The following ATP1A4 variants were observed in gnomAD, a reference collection of about 807,000 sequenced individuals.
The protein encoded by ATP1A4 is sodium/potassium-transporting ATPase subunit alpha-4.
In ATP1A4, 90 loss-of-function variants were observed where a neutral mutation model predicts 114.3. That is an observed-to-expected ratio of 0.79 (90% CI 0.66 to 0.94). The LOEUF is 0.94. Among genes scored for constraint, ATP1A4 ranks in the 40% least tolerant of loss-of-function variants. The probability of loss-of-function intolerance (pLI) is 0.00; values close to 1 mark genes in which losing one functional copy is unlikely to be tolerated. For missense variants in ATP1A4, 1,222 were observed against 1,313.6 expected (o/e 0.93, Z 1.08); for synonymous variants, 511 against 494.1 (o/e 1.03, Z -0.45).
In ATP1A4 at chr1:160,166,956, C is replaced by T; in HGVS notation, c.1247-12C>T. ...ATTCCCTGCTCACAATTCTTCTTTT[C>T]TTTCTCCCTAGGAAAAACATTTACC... On this transcript the variant is annotated splice_polypyrimidine_tract_variant and intron_variant, in intron 8 of 21. Coordinates refer to ENST00000368081, the MANE Select transcript of ATP1A4 (RefSeq NM_144699.4). 6.2e-7 allele frequency: 1 copy of T among 1,612,840 alleles called. No homozygotes were observed. Among genetic ancestry groups the T allele is most frequent in the Non-Finnish European group, 8.5e-7 (1 of 1,178,856 alleles).
At position 160,155,231 on chromosome 1, in the gene ATP1A4, G is replaced by A. The variant is rs373894989; in HGVS notation, c.394G>A (p.Glu132Lys). ...CAGCATCCAGATATATTTCAATGAG[G>A]AGCCTACCAAAGACAACGTGAGTCT... Reference protein sequence around the residue: ...AYSIQIYFNEEPTKDNLYLSI... With the variant: ...AYSIQIYFNEKPTKDNLYLSI... Residue 132 changes from glutamate to lysine, a missense_variant, in exon 3 of 22, where the codon GAG (glutamate) becomes AAG (lysine). Glu to Lys is a moderately conservative substitution (Grantham distance 56, BLOSUM62 1). Transcript: ENST00000368081. 2 of 1,613,270 alleles carry A rather than the reference G, an allele frequency of 1.2e-6. No individual in the cohort carries two copies. The highest frequency in any genetic ancestry group is 3.3e-5 in the Admixed American group (2 of 59,918).
chr1:160,151,941 C>A lies in ATP1A4; in HGVS notation c.-100C>A, dbSNP rs115248829. 2.9e-6 allele frequency: 4 copies of A among 1,380,930 alleles called. No individual in the cohort carries two copies. In the South Asian group the frequency reaches 5.9e-5, roughly 20 times the overall value. 85.5% of individuals were successfully genotyped at this position (1,380,930 alleles called of 1,614,324 possible). ...CATTCTCTCCCCACCACTCTCTTCT[C>A]GTGGCCCCCTTGCCCGCGCGCCCTC... is the stretch of plus-strand genomic sequence containing the variant. On this transcript the variant is annotated 5_prime_UTR_variant, in exon 1 of 22. Coordinates refer to ENST00000368081, the MANE Select transcript of ATP1A4 (RefSeq NM_144699.4).
chr1:160,155,301 A>G, intron 3 of ATP1A4, 53 bp downstream of exon 3: 2 of 1,499,066 alleles, frequency 1.3e-6, no homozygotes, highest in Admixed American at 1.9e-5. Context: ...AGCCCCAGAC[A>G]CTCTTTTGCT....
chr1:160,171,356 C>G lies in ATP1A4; in HGVS notation c.1597C>G (p.Gln533Glu), dbSNP rs746317383. 14 of 1,613,986 alleles carry G rather than the reference C, an allele frequency of 8.7e-6. No individual in the cohort carries two copies. Among genetic ancestry groups the G allele is most frequent in the Non-Finnish European group, 1.1e-5 (13 of 1,180,034 alleles). The part of the protein sequence containing the change: ...EFCSTFLLNG[Q>E]EYSMNDEMKE... ...TTGTTCTACCTTTCTTCTGAATGGG[C>G]AGGAGTACTCAATGAACGATGAAAT... Residue 533 changes from glutamine to glutamate, a missense_variant, in exon 11 of 22, where the codon CAG (glutamine) becomes GAG (glutamate). Transcript: ENST00000368081.
rs1230139780 is a variant in ATP1A4, at chr1:160,177,503, A to G, written c.2591-16A>G. 1.2e-6 allele frequency: 2 copies of G among 1,613,058 alleles called. No homozygotes were observed. The highest frequency in any genetic ancestry group is 1.1e-5 in the South Asian group (1 of 90,946). ...CTGAACCAGGCTCCCCTGTCCTGCA[A>G]CTCTGTCATTCACAGGGATGATCCA... On this transcript the variant is annotated splice_polypyrimidine_tract_variant and intron_variant, in intron 17 of 21. Transcript: ENST00000368081.
chr1:160,159,389 C>A lies in ATP1A4; in HGVS notation c.661-20C>A, dbSNP rs1036191005. On this transcript the variant is annotated intron_variant, in intron 5 of 21. Coordinates refer to ENST00000368081, the MANE Select transcript of ATP1A4 (RefSeq NM_144699.4). ...TTTTTCCTATGCTCACCTTACAACG[C>A]GTCCCCTCTCCCATCCCAGGTGGAC... 6 of 1,586,512 alleles carry A rather than the reference C, an allele frequency of 3.8e-6. No individual in the cohort carries two copies. In the Admixed American group the frequency reaches 9.0e-5, roughly 24 times the overall value.
intron 7 of ATP1A4, among the ~76,000 whole-genome samples, chr1:160,165,962 C>T (rs1177909583): frequency 6.6e-6 from 1 of 151,882 alleles, no homozygotes; most frequent in Non-Finnish European, 1.5e-5. Context: ...TCTATGATAC[C>T]CTGGTAAAGA....
chr1:160,156,044 G>A lies in ATP1A4; in HGVS notation c.412-1G>A. ...TAAACGCTTTCTTTCCCCACCCTCAGCTCTACCTGAGCATCGTACTGTCCG... is the reference window on the plus strand; with the variant it reads ...TAAACGCTTTCTTTCCCCACCCTCAACTCTACCTGAGCATCGTACTGTCCG... On this transcript the variant is annotated splice_acceptor_variant, in intron 3 of 21. Coordinates refer to ENST00000368081, the MANE Select transcript of ATP1A4 (RefSeq NM_144699.4). LOFTEE classifies it high-confidence loss of function. The A allele has an allele frequency of 6.2e-7, 1 of 1,600,514 alleles. No homozygotes were observed. The highest frequency in any genetic ancestry group is 8.6e-7 in the Non-Finnish European group (1 of 1,167,702).
At chr1:160,181,450 G>A (rs1653698004) in intron 18 of ATP1A4, among the ~76,000 whole-genome samples, 1 of 151,946 alleles carries the variant, frequency 6.6e-6, no homozygotes, top group Non-Finnish European at 1.5e-5. Context: ...AGCTACTCGG[G>A]AGGCTGAGGC....
rs530706563 is a variant in ATP1A4, at chr1:160,180,746, G to C, written c.2737-938G>C. On this transcript the variant is annotated intron_variant, in intron 18 of 21. Coordinates refer to ENST00000368081, the MANE Select transcript of ATP1A4 (RefSeq NM_144699.4). ...TTTTTTTTTTTTGAGACGGAGTCTC[G>C]CTCTGTCGCCCAGGCTGGAGTGCAG... 5.1e-4 allele frequency among the ~76,000 whole-genome samples: 55 copies of C among 107,394 alleles called. 1 individual carries two copies. The highest frequency in any genetic ancestry group is 1.0e-3 in the Admixed American group (7 of 6,678). 70.5% of individuals were successfully genotyped at this position (107,394 alleles called of 152,430 possible). A position where few individuals can be genotyped will look rare whatever the true frequency, so the allele number is the denominator to read the frequency against.
In ATP1A4 at chr1:160,152,113, C is replaced by T. The variant is rs1408920397; in HGVS notation, c.73C>T (p.Leu25Phe). 6.8e-6 allele frequency: 11 copies of T among 1,613,678 alleles called. No individual in the cohort carries two copies. The highest frequency in any genetic ancestry group is 9.3e-6 in the Non-Finnish European group (11 of 1,179,954). Residue 25 changes from leucine (L) to phenylalanine (F), a missense_variant, in exon 1 of 22, where the codon CTT becomes TTT. Leu to Phe is a conservative substitution (Grantham distance 22). Coordinates refer to ENST00000368081, the MANE Select transcript of ATP1A4 (RefSeq NM_144699.4). ...QSPRRRPKKG[L>F]IKKKMVKREK... ...TCCAAGACGAAGACCTAAAAAAGGG[C>T]TTATCAAGAAAAAAATGGTGAAGAG...
chr1:160,177,064 T>C (rs1653494409), intron 17 of ATP1A4, among the ~76,000 whole-genome samples: 1 of 152,182 alleles, frequency 6.6e-6, no homozygotes, highest in East Asian at 1.9e-4. Context: ...TATAAAGTAG[T>C]GAAAAATAAG....
In ATP1A4 at chr1:160,168,553, T is replaced by G. The variant is rs1353020385; in HGVS notation, c.1491+1141T>G. Among the ~76,000 whole-genome samples, 31 of 152,046 alleles carry G rather than the reference T, an allele frequency of 2.0e-4. 1 individual carries two copies. The highest frequency in any genetic ancestry group is 2.0e-3 in the Admixed American group (31 of 15,266). ...ATGTGCCACCACGCCCGGCTAATTT[T>G]TTGTATTTTTAGTAGAGACGGGATT... On this transcript the variant is annotated intron_variant, in intron 10 of 21. Transcript: ENST00000368081.
chr1:160,160,611 A>G (rs1652835670), intron 6 of ATP1A4, among the ~76,000 whole-genome samples: 1 of 152,118 alleles, frequency 6.6e-6, no homozygotes, highest in Admixed American at 6.5e-5. Flanking sequence ...TATTATCCCT[A>G]TTTTACATGT....
At chr1:160,164,455 G>A (rs772405804) in intron 7 of ATP1A4, 31 bp downstream of exon 7, 3 of 1,609,864 alleles carry the variant, frequency 1.9e-6, no homozygotes, top group Admixed American at 1.7e-5. Context: ...ATGGCCTCAG[G>A]GCAGACAAAC....
At chr1:160,175,510 G>A (rs979625627) in intron 15 of ATP1A4, among the ~76,000 whole-genome samples, 1 of 151,992 alleles carries the variant, frequency 6.6e-6, no homozygotes, top group Non-Finnish European at 1.5e-5. Flanking sequence ...CTGCCCTCGT[G>A]TAACTTAATT....
At position 160,159,420 on chromosome 1, in the gene ATP1A4, A is replaced by G; in HGVS notation, c.672A>G (p.Ser224=). The G allele has an allele frequency of 1.2e-6, 2 of 1,612,598 alleles. No homozygotes were observed. Among genetic ancestry groups the G allele is most frequent in the Non-Finnish European group, 1.7e-6 (2 of 1,179,490 alleles). ...CTCTCCCATCCCAGGTGGACAACTC[A>G]TCCTTGACTGGGGAGTCAGAACCCC... is the stretch of plus-strand genomic sequence containing the variant. ...ISAQGCKVDN[S]SLTGESEPQS... The change falls in exon 6 of 22, where the codon TCA becomes TCG. Residue 224 remains serine, a synonymous_variant. Coordinates refer to ENST00000368081, the MANE Select transcript of ATP1A4 (RefSeq NM_144699.4).
chr1:160,163,183 C>G (rs1181599874), intron 6 of ATP1A4, among the ~76,000 whole-genome samples: 1 of 143,764 alleles, frequency 7.0e-6, no homozygotes, highest in Non-Finnish European at 1.5e-5. Context: ...TTTTTTTTTT[C>G]TCTACACTCA....
Position 160,151,859 on chromosome 1 carries a change from T to C in ATP1A4, c.-182T>C. The C allele has an allele frequency of 1.6e-6, 1 of 613,624 alleles. No homozygotes were observed. Among genetic ancestry groups the C allele is most frequent in the East Asian group, 2.8e-5 (1 of 35,432 alleles). The allele number at this position is 613,624 out of a possible 1,614,324, so 38.0% of individuals were successfully genotyped here. On this transcript the variant is annotated 5_prime_UTR_variant, in exon 1 of 22. Transcript: ENST00000368081. ...GTCTCTCCTCTCTCACTTCCCTTCC[T>C]CTCTCTCACCTTCACCACCCAACAC...
Sources: allele counts gnomAD v4.1 joint callset (sites outside exome capture counted in the v4.1 genomes callset), GRCh38; gene constraint gnomAD v4.1.1; transcripts MANE v1.5; gene names NCBI Gene and HGNC (gene_info 2026-07-23, HGNC 2026-07-21).